The following TULP4 variants were observed in gnomAD, a reference collection of about 807,000 sequenced individuals.
TULP4 encodes tubby-related protein 4.
Under a neutral mutation model 129.0 loss-of-function variants are expected in TULP4, and 16 were observed. The ratio of observed to expected loss-of-function variants is 0.12; its 90% CI spans 0.08 to 0.19. The LOEUF (loss-of-function observed/expected upper bound fraction) is 0.19, where lower values mean the gene tolerates loss of function less well. Among genes scored for constraint, TULP4 ranks in the 10% least tolerant of loss-of-function variants. The pLI is 1.00. For missense variants in TULP4, 1,842 were observed against 2,059.1 expected (o/e 0.89, Z 2.04); for synonymous variants, 998 against 854.0 (o/e 1.17, Z -2.94).
chr6:158,349,049 C>T (rs28483541), intron 1 of TULP4, among the ~76,000 whole-genome samples: 53 of 29,456 alleles, frequency 1.8e-3, no homozygotes, highest in Admixed American at 2.3e-3. Flanking sequence ...GCGCTCCTCA[C>T]TTCCCAGACG....
intron 1 of TULP4, among the ~76,000 whole-genome samples, chr6:158,344,015 C>T (rs1314398972): frequency 2.0e-5 from 3 of 152,144 alleles, no homozygotes; most frequent in Non-Finnish European, 4.4e-5. Context: ...ATTCCACCAT[C>T]GTGATTTGTT....
intron 1 of TULP4, among the ~76,000 whole-genome samples, chr6:158,234,904 C>T (rs570229706): frequency 2.2e-4 from 34 of 152,274 alleles, no homozygotes; most frequent in East Asian, 1.2e-3. Flanking sequence ...TGGTGGCTCC[C>T]GCCTATAATC....
rs769856486 is a variant in TULP4 at position 158,502,075 on chromosome 6, C to T, written c.2412C>T (p.Ala804=). 2 of 1,612,740 alleles carry T rather than the reference C, an allele frequency of 1.2e-6. No individual in the cohort carries two copies. The highest frequency in any genetic ancestry group is 1.7e-6 in the Non-Finnish European group (2 of 1,179,376). ...AACACCTGCAGAAGTCAGCCAAGGCCCTGCGGCCAACACCGCAGCTGGCAG... is the reference window on the plus strand; with the variant it reads ...AACACCTGCAGAAGTCAGCCAAGGCTCTGCGGCCAACACCGCAGCTGGCAG... The part of the protein sequence containing the change: ...DHEHLQKSAK[A]LRPTPQLAAE... The change falls in exon 13 of 14, where the codon GCC becomes GCT. Residue 804 remains alanine, a synonymous_variant. Coordinates refer to ENST00000367097, the MANE Select transcript of TULP4 (RefSeq NM_020245.5).
chr6:158,504,592 G>A (rs1582887920), intron 13 of TULP4, among the ~76,000 whole-genome samples: 2 of 150,668 alleles, frequency 1.3e-5, no homozygotes, highest in South Asian at 2.1e-4. Flanking sequence ...TCCTGACCTC[G>A]TGATCTGCCC....
At chr6:158,337,126 C>CT (rs1583764634) in intron 1 of TULP4, among the ~76,000 whole-genome samples, 7 of 59,200 alleles carry the variant, frequency 1.2e-4, no homozygotes, top group Non-Finnish European at 1.9e-4. Flanking sequence ...CTCTTTCTTT[C>CT]TCTTTTTTTT....
rs562979158 is a variant in TULP4 at position 158,424,895 on chromosome 6, G to GGTAATCCCAGCA, written c.382-4840_382-4829dup. ...TCGGCTGGGCACGGTGGCTCGTACCGGTAATCCCAGCACTTTGGGAGGCCG... is the reference window on the plus strand; with the variant it reads ...TCGGCTGGGCACGGTGGCTCGTACCGGTAATCCCAGCAGTAATCCCAGCACTTTGGGAGGCCG... On this transcript the variant is annotated intron_variant, in intron 2 of 13. Coordinates refer to ENST00000367097, the MANE Select transcript of TULP4 (RefSeq NM_020245.5). Among the ~76,000 whole-genome samples, 555 of 151,860 alleles carry GGTAATCCCAGCA rather than the reference G, an allele frequency of 3.7e-3. 2 individuals are homozygous for GGTAATCCCAGCA. The highest frequency in any genetic ancestry group is 0.013 in the African/African-American group (525 of 41,416).
chr6:158,440,136 A>G (rs1778852793), intron 3 of TULP4, among the ~76,000 whole-genome samples: 1 of 151,896 alleles, frequency 6.6e-6, no homozygotes, highest in Non-Finnish European at 1.5e-5. Context: ...GACCAGCAAC[A>G]TGACAAAACC....
intron 1 of TULP4, among the ~76,000 whole-genome samples, chr6:158,324,831 G>T (rs1222633233): frequency 6.6e-6 from 1 of 152,140 alleles, no homozygotes; most frequent in Non-Finnish European, 1.5e-5. Flanking sequence ...ATTTGAATTT[G>T]TGTCTGTGTG....
chr6:158,353,172 T>C (rs1780568332), intron 1 of TULP4, among the ~76,000 whole-genome samples: 1 of 152,230 alleles, frequency 6.6e-6, no homozygotes, highest in Admixed American at 6.5e-5. Flanking sequence ...TAATTTGTGC[T>C]GTGTCTCCCA....
At chr6:158,258,279 C>A (rs1486476238) in intron 1 of TULP4, among the ~76,000 whole-genome samples, 1 of 152,224 alleles carries the variant, frequency 6.6e-6, no homozygotes, top group Admixed American at 6.5e-5. Flanking sequence ...CTTTTGTCTT[C>A]TGCCTCTTTT....
intron 1 of TULP4, among the ~76,000 whole-genome samples, chr6:158,326,244 A>G (rs564000060): frequency 8.4e-4 from 128 of 152,176 alleles, no homozygotes; most frequent in Non-Finnish European, 1.4e-3. Context: ...TAGTTTATCT[A>G]TTGCAAAACC....
At chr6:158,405,241 A>G (rs1238134188) in intron 1 of TULP4, among the ~76,000 whole-genome samples, 1 of 152,230 alleles carries the variant, frequency 6.6e-6, no homozygotes, top group Non-Finnish European at 1.5e-5. Context: ...AAAATCAGAA[A>G]ATAAGGAAAA....
chr6:158,374,096 A>T (rs1308927120), intron 1 of TULP4, among the ~76,000 whole-genome samples: 1 of 152,160 alleles, frequency 6.6e-6, no homozygotes, highest in Non-Finnish European at 1.5e-5. Context: ...TAACATAATG[A>T]TGCAAAGTCC....
At chr6:158,306,354 C>G (rs1286823253) in intron 1 of TULP4, among the ~76,000 whole-genome samples, 1 of 152,110 alleles carries the variant, frequency 6.6e-6, no homozygotes, top group Admixed American at 6.5e-5. Flanking sequence ...CAGGAGTTTT[C>G]GAGACTAACC....
chr6:158,273,178 G>C (rs1372972826), intron 1 of TULP4, among the ~76,000 whole-genome samples: 1 of 152,194 alleles, frequency 6.6e-6, no homozygotes, highest in Non-Finnish European at 1.5e-5. Flanking sequence ...TGGGTAAGAT[G>C]CTAAAAGAAC....
intron 1 of TULP4, among the ~76,000 whole-genome samples, chr6:158,403,435 G>T (rs1777898685): frequency 6.6e-6 from 1 of 152,112 alleles, no homozygotes; most frequent in South Asian, 2.1e-4. Context: ...CGCCTCTCGG[G>T]TTCAAGCGAT....
At chr6:158,482,804 T>C (rs992500144) in intron 8 of TULP4, among the ~76,000 whole-genome samples, 7 of 152,188 alleles carry the variant, frequency 4.6e-5, no homozygotes, top group African/African-American at 1.4e-4. Flanking sequence ...TATTTCCTCA[T>C]GTGTGCATAA....
upstream of TULP4, among the ~76,000 whole-genome samples, chr6:158,311,002 T>C (rs1466306365): frequency 1.3e-5 from 2 of 152,132 alleles, no homozygotes; most frequent in Non-Finnish European, 2.9e-5. Context: ...ACTGGTGCAG[T>C]TGGTACCTCT....
intron 1 of TULP4, among the ~76,000 whole-genome samples, chr6:158,304,024 A>T (rs1005660279): frequency 6.6e-6 from 1 of 152,214 alleles, no homozygotes; most frequent in African/African-American, 2.4e-5. Context: ...TTGTAGTGAA[A>T]ATAAGTTAGA....
Sources: allele counts gnomAD v4.1 joint callset (sites outside exome capture counted in the v4.1 genomes callset), GRCh38; gene constraint gnomAD v4.1.1; transcripts MANE v1.5; gene names NCBI Gene and HGNC (gene_info 2026-07-23, HGNC 2026-07-21).